ABCG1: variants seen among roughly 807,000 people sequenced by gnomAD.
The protein encoded by ABCG1 is ATP-binding cassette sub-family G member 1.
In ABCG1, 29 loss-of-function variants were observed where a neutral mutation model predicts 69.2. The ratio of observed to expected loss-of-function variants is 0.42; its 90% CI spans 0.31 to 0.57. ABCG1 has a LOEUF of 0.57. Among genes scored for constraint, ABCG1 ranks in the 20% least tolerant of loss-of-function variants. The pLI is 0.15. For synonymous variants in ABCG1, 370 were observed against 374.8 expected, an observed-to-expected ratio of 0.99 and a Z score of 0.15; for missense variants, 718 against 898.1, an observed-to-expected ratio of 0.80 and a Z score of 2.56.
In ABCG1 at chr21:42,204,142, T is replaced by C. The variant is rs145602925; in HGVS notation, c.48+2419T>C. Among the ~76,000 whole-genome samples the C allele has an allele frequency of 8.2e-3, 1,244 of 152,338 alleles. 24 individuals are homozygous for C. The highest frequency in any genetic ancestry group is 0.028 in the African/African-American group (1,180 of 41,566). ...ACTTATTGTTTCAGGAGTGCTTTTG[T>C]GGATAGATTGGGATTTCCTAGGTAG... On this transcript the variant is annotated intron_variant, in intron 2 of 15. Transcript: ENST00000398457.
chr21:42,247,225 CAA>C (rs2068146586), intron 2 of ABCG1, among the ~76,000 whole-genome samples: 1 of 152,126 alleles, frequency 6.6e-6, no homozygotes, highest in African/African-American at 2.4e-5. Flanking sequence ...CTGTTATAAG[CAA>C]AGTATTTTTG....
At chr21:42,213,146 G>A (rs569578243), upstream of ABCG1, among the ~76,000 whole-genome samples, 2 of 152,358 alleles carry the variant, frequency 1.3e-5, no homozygotes, top group African/African-American at 2.4e-5. Flanking sequence ...GCAGAAGCCA[G>A]GTGCTGTGCA....
chr21:42,286,167 A>C (rs2068937091), intron 8 of ABCG1, 173 bp downstream of exon 8: 1 of 577,666 alleles, frequency 1.7e-6, no homozygotes, highest in Admixed American at 3.0e-5. Flanking sequence ...CATTTCCTCT[A>C]GACTCTAGGT....
intron 1 of ABCG1, among the ~76,000 whole-genome samples, chr21:42,225,108 G>A (rs1284203940): frequency 1.3e-5 from 2 of 152,128 alleles, no homozygotes; most frequent in African/African-American, 2.4e-5. Context: ...TTATGAAGAG[G>A]TAGCAAGAGA....
chr21:42,260,227 G>A (rs1294154880), intron 2 of ABCG1: 2 of 1,537,940 alleles, frequency 1.3e-6, no homozygotes, highest in Non-Finnish European at 1.8e-6. Context: ...AACCCTGCAG[G>A]TGGCATTGGG....
chr21:42,294,978 C>T (rs371577165), intron 14 of ABCG1: 20 of 315,452 alleles, frequency 6.3e-5, no homozygotes, highest in East Asian at 2.3e-4. Context: ...TCTTCCTCCC[C>T]GAAGTGCCGA....
chr21:42,254,209 T>C (rs2068266803), intron 2 of ABCG1, among the ~76,000 whole-genome samples: 1 of 152,186 alleles, frequency 6.6e-6, no homozygotes, highest in Non-Finnish European at 1.5e-5. Context: ...TTAAGGCCAT[T>C]AAAGTCATGC....
intron 2 of ABCG1, chr21:42,201,841 T>C: frequency 6.4e-7 from 1 of 1,570,048 alleles, no homozygotes; most frequent in Non-Finnish European, 8.7e-7. Flanking sequence ...GTGTGGGCTG[T>C]GGGAGCTCCT....
chr21:42,236,113 C>T (rs1439870104), intron 2 of ABCG1, among the ~76,000 whole-genome samples: 2 of 152,162 alleles, frequency 1.3e-5, no homozygotes, highest in Non-Finnish European at 2.9e-5. Context: ...CTGGGGTCAG[C>T]ACTGAAAAGT....
intron 14 of ABCG1, 176 bp downstream of exon 14, chr21:42,294,836 C>A (rs1394078410): frequency 8.2e-6 from 5 of 611,480 alleles, no homozygotes; most frequent in Non-Finnish European, 1.5e-5. Context: ...CTACCCTCAC[C>A]AACACACACA....
At chr21:42,280,468 G>A (rs981676508) in intron 5 of ABCG1, among the ~76,000 whole-genome samples, 8 of 152,342 alleles carry the variant, frequency 5.3e-5, no homozygotes, top group East Asian at 3.9e-4. Flanking sequence ...TGGAGCGCCC[G>A]CCGGGAAGCC....
At chr21:42,289,967 C>A in intron 10 of ABCG1, 83 bp from the exon 11 acceptor site, 1 of 1,526,256 alleles carries the variant, frequency 6.6e-7, no homozygotes, top group South Asian at 1.1e-5. Flanking sequence ...GGGTCCCATG[C>A]TTCCAAAGGC....
At chr21:42,215,294 G>A (rs1729461106), upstream of ABCG1, among the ~76,000 whole-genome samples, 1 of 152,188 alleles carries the variant, frequency 6.6e-6, no homozygotes, top group East Asian at 1.9e-4. Context: ...AAGCACCAAG[G>A]GCAGGATCCT....
chr21:42,280,177 G>A (rs1005145985), intron 5 of ABCG1, among the ~76,000 whole-genome samples: 6 of 152,180 alleles, frequency 3.9e-5, no homozygotes, highest in Non-Finnish European at 5.9e-5. Flanking sequence ...CCTCGCCATC[G>A]GGCCCACCAT....
At chr21:42,217,239 A>G (rs112649893), upstream of ABCG1, among the ~76,000 whole-genome samples, 7,726 of 152,262 alleles carry the variant, frequency 0.051, 247 homozygotes, top group Middle Eastern at 0.075. Context: ...TGGGGGTAGA[A>G]GAGGGGGAAT....
Position 42,221,477 on chromosome 21 carries a change from G to A in ABCG1, c.42+2173G>A, listed in dbSNP as rs140668767. On this transcript the variant is annotated intron_variant, in intron 1 of 14. Transcript: ENST00000398449. ...GTGAGCCAGGCACTCGGGGGAACAT[G>A]CTGGAGCCCCTGAGTTCGGTGGGCA... 7.6e-4 allele frequency among the ~76,000 whole-genome samples: 115 copies of A among 152,290 alleles called. 1 individual carries two copies. The highest frequency in any genetic ancestry group is 1.4e-3 in the Non-Finnish European group (96 of 68,020).
intron 6 of ABCG1, 37 bp downstream of exon 6, chr21:42,282,456 G>T (rs371695227): frequency 3.8e-6 from 6 of 1,590,894 alleles, no homozygotes; most frequent in Admixed American, 1.7e-5. Flanking sequence ...TCCAGGGGCA[G>T]GAAGAACCCC....
intron 2 of ABCG1, among the ~76,000 whole-genome samples, chr21:42,202,362 T>C (rs997948169): frequency 1.3e-5 from 2 of 152,162 alleles, no homozygotes; most frequent in Non-Finnish European, 2.9e-5. Context: ...CCTTTGTGCA[T>C]GTATCCACCC....
Position 42,273,428 on chromosome 21 carries a change from C to T in ABCG1, c.530C>T (p.Ala177Val). Residue 177 changes from alanine (A) to valine (V), a missense_variant, in exon 4 of 15, where the codon GCC becomes GTC. By Grantham distance (64) the Ala-to-Val change is moderately conservative. This residue lies in a region of ABCG1 where 514 missense variants were observed against 574.3 expected (regional missense o/e 0.90). Transcript: ENST00000398449. The surrounding 1 kb of genome is among the most constrained non-coding windows in gnomAD (Gnocchi z 5.3). ...MLLPHLTVQE[A>V]MMVSAHLKLQ... ...CTGCCGCATCTCACTGTGCAGGAGG[C>T]CATGATGGTGAGCTCCGCCCTGCCC... is the stretch of plus-strand genomic sequence containing the variant. 1 of 1,613,418 alleles carries T rather than the reference C, an allele frequency of 6.2e-7. No individual in the cohort carries two copies. Among genetic ancestry groups the T allele is most frequent in the Non-Finnish European group, 8.5e-7 (1 of 1,179,728 alleles).
Sources: allele counts gnomAD v4.1 joint callset (sites outside exome capture counted in the v4.1 genomes callset), GRCh38; gene constraint gnomAD v4.1.1; regional missense constraint gnomAD v4.1.1; non-coding constraint Gnocchi (gnomAD v3.1); transcripts MANE v1.5; gene names NCBI Gene and HGNC (gene_info 2026-07-23, HGNC 2026-07-21).